The following TKT variants were observed in gnomAD, a reference collection of about 807,000 sequenced individuals.
TKT encodes epididymis luminal protein 107.
Under a neutral mutation model 63.9 loss-of-function variants are expected in TKT, and 47 were observed. The observed-to-expected ratio is 0.74, with a 90% CI of 0.58 to 0.94. The LOEUF is 0.94. TKT is among the 40% of genes least tolerant of loss of function. The pLI, the probability that TKT is intolerant of heterozygous loss-of-function variation, is 0.00. For synonymous variants in TKT, 338 were observed against 334.1 expected (o/e 1.01, Z -0.13); for missense variants, 721 against 846.2 (o/e 0.85, Z 1.84).
chr3:53,249,330 C>A (rs1276319029), intron 1 of TKT, among the ~76,000 whole-genome samples: 2 of 151,996 alleles, frequency 1.3e-5, no homozygotes, highest in African/African-American at 4.8e-5. Flanking sequence ...GTAATCCCAA[C>A]ACTTTGGGAG....
chr3:53,245,091 G>A (rs1396072614), intron 1 of TKT, among the ~76,000 whole-genome samples: 1 of 151,670 alleles, frequency 6.6e-6, no homozygotes, highest in Non-Finnish European at 1.5e-5. Context: ...ATCACCTGAG[G>A]TCAGGAGTTT....
intron 10 of TKT, 154 bp downstream of exon 10, chr3:53,228,853 T>G: frequency 8.8e-7 from 1 of 1,140,522 alleles, no homozygotes; most frequent in East Asian, 2.4e-5. Context: ...TGTATTTCGT[T>G]TTTTCTTGTC....
At chr3:53,253,717 T>C (rs562353173) in intron 1 of TKT, among the ~76,000 whole-genome samples, 7 of 152,352 alleles carry the variant, frequency 4.6e-5, no homozygotes, top group South Asian at 2.1e-4. Flanking sequence ...TGAGCCAAGA[T>C]TGTGCTGCTG....
rs1300449981 is a variant in TKT at position 53,228,102 on chromosome 3, C to T, written c.1527G>A (p.Gly509=). Residue 509 remains glycine, a synonymous_variant, in exon 12 of 14, where the codon GGG becomes GGA. Coordinates refer to ENST00000462138, the MANE Select transcript of TKT (RefSeq NM_001064.4). The stretch of plus-strand genomic sequence containing the variant: ...CGGCCAAGGCCTCGTGCAGGGTCAC[C>T]CCAGCCCCGATAACGGTCACCTGGT... ...KDDQVTVIGA[G]VTLHEALAAA... 6.2e-7 allele frequency: 1 copy of T among 1,613,670 alleles called. No homozygotes were observed. Among genetic ancestry groups the T allele is most frequent in the African/African-American group, 1.3e-5 (1 of 74,934 alleles).
At chr3:53,241,959 T>A in intron 2 of TKT, 166 bp downstream of exon 2, 1 of 661,206 alleles carries the variant, frequency 1.5e-6, no homozygotes, top group Non-Finnish European at 2.7e-6. Context: ...GCCAGCTGGG[T>A]CAGCACAGAG....
chr3:53,232,036 C>T, intron 6 of TKT: 1 of 297,138 alleles, frequency 3.4e-6, no homozygotes, highest in Non-Finnish European at 6.2e-6. Flanking sequence ...CTGTGAGCAG[C>T]AGAGGAGTCT....
intron 8 of TKT, 146 bp downstream of exon 8, chr3:53,230,311 G>C: frequency 9.6e-7 from 1 of 1,040,176 alleles, no homozygotes; most frequent in Non-Finnish European, 1.4e-6. Flanking sequence ...AAGGTCAGGG[G>C]TTAACGCTGG....
In TKT at chr3:53,226,877, T is replaced by C; in HGVS notation, c.1575A>G (p.Glu525=). The change falls in exon 13 of 14, where the codon GAA becomes GAG. Residue 525 remains glutamate (E), a splice_region_variant and synonymous_variant. Coordinates refer to ENST00000462138, the MANE Select transcript of TKT (RefSeq NM_001064.4). ...ALAAAELLKK[E]KINIRVLDPF... ...GGTCCAGCACGCGGATGTTGATCTT[T>C]TCTGTGAGGGAGAGCACACGGCGTG... 6.2e-7 allele frequency: 1 copy of C among 1,606,376 alleles called. No individual in the cohort carries two copies. Among genetic ancestry groups the C allele is most frequent in the Non-Finnish European group, 8.5e-7 (1 of 1,175,682 alleles).
intron 1 of TKT, among the ~76,000 whole-genome samples, chr3:53,255,221 C>G (rs1705933937): frequency 6.6e-6 from 1 of 152,222 alleles, no homozygotes; most frequent in Non-Finnish European, 1.5e-5. Flanking sequence ...CCAGGGGTGG[C>G]AGGAGACAGG....
intron 1 of TKT, among the ~76,000 whole-genome samples, chr3:53,255,020 T>C (rs1705921017): frequency 6.6e-6 from 1 of 152,094 alleles, no homozygotes; most frequent in South Asian, 2.1e-4. Context: ...ACTCCGTCCT[T>C]CCGGCGCTCA....
chr3:53,228,649 C>T (rs1575559448), intron 10 of TKT: 6 of 502,850 alleles, frequency 1.2e-5, no homozygotes, highest in Admixed American at 3.3e-5. Context: ...GCAGGAACCA[C>T]GCGCACTGGG....
At chr3:53,240,201 G>T in intron 4 of TKT, 50 bp downstream of exon 4, 1 of 1,568,010 alleles carries the variant, frequency 6.4e-7, no homozygotes, top group Non-Finnish European at 8.7e-7. Flanking sequence ...GTCACCCAAG[G>T]ACCACTCCCC....
intron 1 of TKT, among the ~76,000 whole-genome samples, chr3:53,251,995 C>T (rs1705770794): frequency 6.6e-6 from 1 of 152,172 alleles, no homozygotes; most frequent in Non-Finnish European, 1.5e-5. Context: ...ACAAAATTAG[C>T]CGGGCGTGGT....
At chr3:53,236,074 G>A (rs781825317) in intron 4 of TKT, among the ~76,000 whole-genome samples, 33 of 152,238 alleles carry the variant, frequency 2.2e-4, no homozygotes, top group Non-Finnish European at 4.1e-4. Context: ...TAGACTGTCC[G>A]CTCCTTGCCG....
In TKT at chr3:53,256,006, G is replaced by A. The variant is rs1575578883; in HGVS notation, c.-64C>T. 1.1e-5 allele frequency: 13 copies of A among 1,193,856 alleles called. No individual in the cohort carries two copies. The East Asian group carries it at 3.6e-4, about 33-fold the overall frequency. 74.0% of individuals were successfully genotyped at this position (1,193,856 alleles called of 1,614,324 possible). A position where few individuals can be genotyped will look rare whatever the true frequency, so the allele number is the denominator to read the frequency against. On this transcript the variant is annotated 5_prime_UTR_variant, in exon 1 of 14. Coordinates refer to ENST00000462138, the MANE Select transcript of TKT (RefSeq NM_001064.4). ...CAGAGATAGCGGCTGCTCCCGCGGC[G>A]ACAGGCGGCTGCCGAGGCCGGGCGC...
At position 53,227,120 on chromosome 3, in the gene TKT, C is replaced by T. The variant is rs549987259; in HGVS notation, c.1574-242G>A. The T allele has an allele frequency of 2.0e-4, 100 of 493,058 alleles. 1 individual carries two copies. The highest frequency in any genetic ancestry group is 3.2e-4 in the Non-Finnish European group (90 of 278,392). 30.5% of individuals were successfully genotyped at this position (493,058 alleles called of 1,614,324 possible). A position where few individuals can be genotyped will look rare whatever the true frequency, so the allele number is the denominator to read the frequency against. On this transcript the variant is annotated intron_variant, in intron 12 of 13. Transcript: ENST00000462138. ...GCCCGCAGTATCCAAGAACCCAGAG[C>T]GGAGCGTGCAGGCCCTGAGCGCCTT...
At chr3:53,230,836 A>G (rs756417402) in intron 7 of TKT, among the ~76,000 whole-genome samples, 5 of 151,882 alleles carry the variant, frequency 3.3e-5, no homozygotes, top group Non-Finnish European at 5.9e-5. Flanking sequence ...TCTGGCTGTG[A>G]AAGGTATAAG....
Position 53,240,310 on chromosome 3 carries a change from G to A in TKT, c.378C>T (p.Gly126=), listed in dbSNP as rs375736496. Residue 126 remains glycine, a synonymous_variant, in exon 4 of 14, where the codon GGC becomes GGT. Coordinates refer to ENST00000462138, the MANE Select transcript of TKT (RefSeq NM_001064.4). ...TCCCACAAGCGGCCCCGAGGCCCTG[G>A]CCCAGGGAGCCAGTGGCCACGTCGG... ...AFTDVATGSL[G]QGLGAACGMA... The A allele has an allele frequency of 1.9e-6, 3 of 1,613,114 alleles. No homozygotes were observed. Among genetic ancestry groups the A allele is most frequent in the African/African-American group, 2.7e-5 (2 of 75,046 alleles).
chr3:53,227,837 A>AGG lies in TKT; in HGVS notation c.1573+217_1573+218dup, dbSNP rs1408068371. The AGG allele has an allele frequency of 5.9e-6, 3 of 509,450 alleles. No individual in the cohort carries two copies. In the East Asian group the frequency reaches 1.1e-4, roughly 19 times the overall value. 31.6% of individuals were successfully genotyped at this position (509,450 alleles called of 1,614,324 possible). On this transcript the variant is annotated intron_variant, in intron 12 of 13. Transcript: ENST00000462138. Reference sequence around the variant, plus strand: ...GGTCTCGACTTTAGAGTCATAGGGTAGGGACTGTGGGCACTGCAGCCCCAG... The same window carrying AGG: ...GGTCTCGACTTTAGAGTCATAGGGTAGGGGGACTGTGGGCACTGCAGCCCCAG...
Sources: gnomAD v4.1 joint callset for allele counts (sites outside exome capture counted in the v4.1 genomes callset) on GRCh38, gnomAD v4.1.1 for gene constraint, MANE v1.5 for transcripts, NCBI Gene and HGNC (gene_info 2026-07-23, HGNC 2026-07-21) for gene names.